GPC6: variants seen among roughly 807,000 people sequenced by gnomAD.
GPC6 encodes glypican-6.
A neutral mutation model predicts 55.2 loss-of-function variants in GPC6; 14 were observed. That is an observed-to-expected ratio of 0.25 (90% confidence interval 0.17 to 0.40). GPC6 has a LOEUF of 0.40. Ranked by LOEUF, GPC6 falls within the 10% of genes least tolerant of loss-of-function variation. GPC6 has a pLI of 1.00. For missense variants in GPC6, 641 were observed against 708.5 expected, an observed-to-expected ratio of 0.90 and a Z score of 1.08; for synonymous variants, 278 against 259.6, an observed-to-expected ratio of 1.07 and a Z score of -0.68.
intron 2 of GPC6, among the ~76,000 whole-genome samples, chr13:93,622,563 TA>T (rs1879004932): frequency 6.6e-6 from 1 of 152,204 alleles, no homozygotes; most frequent in African/African-American, 2.4e-5. Context: ...ACATTTTTCT[TA>T]ATGATCTTCC....
intron 2 of GPC6, among the ~76,000 whole-genome samples, chr13:93,589,806 AC>A (rs1877379169): frequency 6.6e-6 from 1 of 152,152 alleles, no homozygotes; most frequent in Non-Finnish European, 1.5e-5. Flanking sequence ...GCTGTATTAC[AC>A]CTTTTGTTTG....
intron 3 of GPC6, among the ~76,000 whole-genome samples, chr13:93,866,585 G>A (rs931330067): frequency 9.9e-5 from 15 of 151,740 alleles, no homozygotes; most frequent in Admixed American, 9.9e-4. Flanking sequence ...GGATGGAGCT[G>A]GAGGCCATTG....
At chr13:94,265,314 C>T (rs970600594) in intron 4 of GPC6, among the ~76,000 whole-genome samples, 1 of 152,132 alleles carries the variant, frequency 6.6e-6, no homozygotes, top group Non-Finnish European at 1.5e-5. Flanking sequence ...AGCAAAGAAG[C>T]CAGTTCGAGT....
chr13:93,963,600 G>C (rs1214283757), intron 3 of GPC6, among the ~76,000 whole-genome samples: 1 of 152,116 alleles, frequency 6.6e-6, no homozygotes, highest in Non-Finnish European at 1.5e-5. Flanking sequence ...TTAATCAGTG[G>C]TCATTTAAAA....
At position 93,666,298 on chromosome 13, in the gene GPC6, A is replaced by C. The variant is rs1009058118; in HGVS notation, c.319+120877A>C. Among the ~76,000 whole-genome samples the C allele has an allele frequency of 5.4e-4, 82 of 152,232 alleles. 1 individual carries two copies. Among genetic ancestry groups the C allele is most frequent in the African/African-American group, 1.9e-3 (79 of 41,548 alleles). On this transcript the variant is annotated intron_variant, in intron 2 of 8. Coordinates refer to ENST00000377047, the MANE Select transcript of GPC6 (RefSeq NM_005708.5). The stretch of plus-strand genomic sequence containing the variant: ...TGAATACATATCTTTTCAATCTAAC[A>C]GTTTTGATTTTCTAAGACTTTAAAT...
intron 2 of GPC6, among the ~76,000 whole-genome samples, chr13:93,705,092 C>T (rs1882803401): frequency 6.6e-6 from 1 of 151,934 alleles, no homozygotes; most frequent in African/African-American, 2.4e-5. Flanking sequence ...AAAAACAACT[C>T]ACAACTTTGG....
chr13:93,657,127 G>A (rs1160698129), intron 2 of GPC6, among the ~76,000 whole-genome samples: 1 of 152,122 alleles, frequency 6.6e-6, no homozygotes, highest in East Asian at 1.9e-4. Context: ...AATCAGAAAA[G>A]AGCCCAAATA....
At chr13:93,383,816 G>T (rs1245711117) in intron 1 of GPC6, among the ~76,000 whole-genome samples, 1 of 151,832 alleles carries the variant, frequency 6.6e-6, no homozygotes, top group African/African-American at 2.4e-5. Context: ...TTATATGGAA[G>T]TCTATTTAAT....
intron 2 of GPC6, among the ~76,000 whole-genome samples, chr13:93,580,622 G>A (rs7995706): frequency 0.91 from 137,798 of 152,172 alleles, 62,597 homozygotes; most frequent in African/African-American, 0.97. Flanking sequence ...GTCTTTATGG[G>A]GCTTATATTT....
At chr13:94,053,946 AAG>A (rs752943042) in intron 4 of GPC6, among the ~76,000 whole-genome samples, 18 of 152,248 alleles carry the variant, frequency 1.2e-4, no homozygotes, top group Non-Finnish European at 2.2e-4. Flanking sequence ...GCTGAAAAAA[AAG>A]AGAGGGGCTT....
At chr13:93,325,197 C>T (rs1879612376) in intron 1 of GPC6, among the ~76,000 whole-genome samples, 1 of 151,936 alleles carries the variant, frequency 6.6e-6, no homozygotes, top group East Asian at 1.9e-4. Context: ...CCAGTTAGTC[C>T]CCACATAACC....
intron 1 of GPC6, among the ~76,000 whole-genome samples, chr13:93,409,133 T>C (rs904300636): frequency 6.6e-6 from 1 of 151,600 alleles, no homozygotes; most frequent in Non-Finnish European, 1.5e-5. Context: ...TGCTTATTTA[T>C]ACATCCATGT....
At chr13:93,621,591 C>T (rs1383967518) in intron 2 of GPC6, among the ~76,000 whole-genome samples, 1 of 152,106 alleles carries the variant, frequency 6.6e-6, no homozygotes, top group Non-Finnish European at 1.5e-5. Flanking sequence ...ATTAATATTA[C>T]ACTTCAACTT....
chr13:94,053,722 T>C (rs766686498), intron 4 of GPC6, among the ~76,000 whole-genome samples: 3 of 152,162 alleles, frequency 2.0e-5, no homozygotes, highest in Non-Finnish European at 4.4e-5. Flanking sequence ...TTCTGGGTAG[T>C]TGATACTTAG....
At position 93,834,592 on chromosome 13, in the gene GPC6, G is replaced by A. The variant is rs535658905; in HGVS notation, c.711+4047G>A. Among the ~76,000 whole-genome samples the A allele has an allele frequency of 3.5e-4, 53 of 152,170 alleles. No individual in the cohort carries two copies. In the South Asian group the frequency reaches 1.0e-2, roughly 29 times the overall value. On this transcript the variant is annotated intron_variant, in intron 3 of 8. Transcript: ENST00000377047. Reference sequence around the variant, plus strand: ...GCTTGAGGAGTGTGTGTGTGTGTGTGCATGCATGTATGTGCAAGCATGTAT... The same window carrying A: ...GCTTGAGGAGTGTGTGTGTGTGTGTACATGCATGTATGTGCAAGCATGTAT...
At chr13:93,347,324 T>G (rs1016892559) in intron 1 of GPC6, among the ~76,000 whole-genome samples, 4 of 152,074 alleles carry the variant, frequency 2.6e-5, no homozygotes, top group Non-Finnish European at 4.4e-5. Flanking sequence ...CATCTTCAAG[T>G]TTTGTGGTGA....
At chr13:94,259,977 T>C (rs150032861) in intron 4 of GPC6, among the ~76,000 whole-genome samples, 229 of 152,312 alleles carry the variant, frequency 1.5e-3, no homozygotes, top group African/African-American at 5.2e-3. Flanking sequence ...TTTTTGGCTA[T>C]TGTGAATGAT....
intron 2 of GPC6, among the ~76,000 whole-genome samples, chr13:93,580,564 G>A (rs1215756589): frequency 6.6e-6 from 1 of 152,020 alleles, no homozygotes; most frequent in Non-Finnish European, 1.5e-5. Flanking sequence ...CCTATTATGT[G>A]CCACGTGCTA....
chr13:93,321,776 G>A (rs1230507386), intron 1 of GPC6, among the ~76,000 whole-genome samples: 1 of 152,118 alleles, frequency 6.6e-6, no homozygotes, highest in African/African-American at 2.4e-5. Flanking sequence ...ATATCTGTGA[G>A]CAGACTAGAC....
Sources: gnomAD v4.1 joint callset for allele counts (sites outside exome capture counted in the v4.1 genomes callset) on GRCh38, gnomAD v4.1.1 for gene constraint, MANE v1.5 for transcripts, NCBI Gene and HGNC (gene_info 2026-07-23, HGNC 2026-07-21) for gene names.